SCARF1: variants seen among roughly 807,000 people sequenced by gnomAD.
The protein encoded by SCARF1 is scavenger receptor class F member 1.
In SCARF1, 49 loss-of-function variants were observed where a neutral mutation model predicts 76.3. The ratio of observed to expected loss-of-function variants is 0.64; its 90% CI spans 0.51 to 0.81. The LOEUF is 0.81. SCARF1 is among the 40% of genes least tolerant of loss of function. The pLI, the probability that SCARF1 is intolerant of heterozygous loss-of-function variation, is 0.00. For missense variants in SCARF1, 1,098 were observed against 1,143.9 expected, an observed-to-expected ratio of 0.96 and a Z score of 0.58; for synonymous variants, 495 against 474.6, an observed-to-expected ratio of 1.04 and a Z score of -0.56.
Position 1,644,772 on chromosome 17 carries a change from C to T in SCARF1, c.265+62G>A. On this transcript the variant is annotated intron_variant, in intron 3 of 10. Coordinates refer to ENST00000263071, the MANE Select transcript of SCARF1 (RefSeq NM_003693.4). The surrounding 1 kb of genome is among the most constrained non-coding windows in gnomAD (Gnocchi z 4.8). ...TGCATGGCTACCTGCCTCGCCTGCT[C>T]CCACACCACTGCCCCCGTACCCAGC... is the stretch of plus-strand genomic sequence containing the variant. The T allele has an allele frequency of 6.6e-7, 1 of 1,503,800 alleles. No individual in the cohort carries two copies. The highest frequency in any genetic ancestry group is 9.1e-7 in the Non-Finnish European group (1 of 1,101,988). The allele number at this position is 1,503,800 out of a possible 1,614,324, so 93.2% of individuals were successfully genotyped here.
At position 1,634,894 on chromosome 17, in the gene SCARF1, C is replaced by T. The variant is rs1250492610; in HGVS notation, c.2357G>A (p.Ser786Asn). Reference protein sequence around the residue: ...AVRGLGAGTESSRRAQEPVSG... With the variant: ...AVRGLGAGTENSRRAQEPVSG... ...GACTGGCTCCTGGGCTCTCCTTGAA[C>T]TCTCGGTGCCAGCCCCCAGCCCCCG... The change falls in exon 11 of 11, where the codon AGT becomes AAT. Residue 786 changes from serine to asparagine, a missense_variant. By Grantham distance (46) the Ser-to-Asn change is conservative. Transcript: ENST00000263071. The T allele has an allele frequency of 7.4e-6, 12 of 1,613,688 alleles. No individual in the cohort carries two copies. The highest frequency in any genetic ancestry group is 1.0e-5 in the Non-Finnish European group (12 of 1,180,004).
rs911421631 is a variant in SCARF1, at chr17:1,645,377, G to A, written c.102-138C>T. On this transcript the variant is annotated intron_variant, in intron 1 of 10. Coordinates refer to ENST00000263071, the MANE Select transcript of SCARF1 (RefSeq NM_003693.4). This position sits in a 1 kb window ranked among gnomAD's most constrained non-coding sequence, Gnocchi z 6.3. The stretch of plus-strand genomic sequence containing the variant: ...AGGCCTAATGGATCTTTACAGCTAG[G>A]GTCCCCAGCCCCTCCCCTCTCCTTC... The A allele has an allele frequency of 4.3e-6, 6 of 1,402,960 alleles. No homozygotes were observed. The highest frequency in any genetic ancestry group is 1.4e-5 in the African/African-American group (1 of 69,988). The allele number at this position is 1,402,960 out of a possible 1,614,324, so 86.9% of individuals were successfully genotyped here.
chr17:1,639,278 G>A (rs565596596), intron 7 of SCARF1, among the ~76,000 whole-genome samples: 1 of 152,294 alleles, frequency 6.6e-6, no homozygotes, highest in East Asian at 1.9e-4. Context: ...GGCCGAGGTG[G>A]GCAGATCACC....
chr17:1,634,678 TG>T lies in SCARF1; in HGVS notation c.*79del. ...GGAGGCGCAGAGGCTCTGGTTTGTC[TG>T]TCCTGGCCCCGGGATCATTTTCCAG... On this transcript the variant is annotated 3_prime_UTR_variant, in exon 11 of 11. Transcript: ENST00000263071. The T allele has an allele frequency of 6.7e-7, 1 of 1,486,454 alleles. No homozygotes were observed. Among genetic ancestry groups the T allele is most frequent in the South Asian group, 1.5e-5 (1 of 67,936 alleles). 92.1% of individuals were successfully genotyped at this position (1,486,454 alleles called of 1,614,324 possible). A position where few individuals can be genotyped will look rare whatever the true frequency, so the allele number is the denominator to read the frequency against.
At position 1,640,090 on chromosome 17, in the gene SCARF1, C is replaced by A. The variant is rs1246522382; in HGVS notation, c.1011-50G>T. The A allele has an allele frequency of 2.5e-6, 4 of 1,597,320 alleles. No individual in the cohort carries two copies. The highest frequency in any genetic ancestry group is 3.4e-6 in the Non-Finnish European group (4 of 1,172,238). ...AGGGGAGACCAAGGCAGGCCTGGCC[C>A]CCACTGTGGGGCCCCACCCCTCCGC... On this transcript the variant is annotated intron_variant, in intron 5 of 10. Transcript: ENST00000263071. The surrounding 1 kb of genome is among the most constrained non-coding windows in gnomAD (Gnocchi z 4.7).
Position 1,640,100 on chromosome 17 carries a change from G to A in SCARF1, c.1011-60C>T. On this transcript the variant is annotated intron_variant, in intron 5 of 10. Coordinates refer to ENST00000263071, the MANE Select transcript of SCARF1 (RefSeq NM_003693.4). The surrounding 1 kb of genome is among the most constrained non-coding windows in gnomAD (Gnocchi z 4.7). The stretch of plus-strand genomic sequence containing the variant: ...AAGGCAGGCCTGGCCCCCACTGTGG[G>A]GCCCCACCCCTCCGCCCCACGCTCC... The A allele has an allele frequency of 6.3e-7, 1 of 1,586,098 alleles. No individual in the cohort carries two copies. Among genetic ancestry groups the A allele is most frequent in the Non-Finnish European group, 8.6e-7 (1 of 1,166,530 alleles).
intron 7 of SCARF1, 111 bp downstream of exon 7, chr17:1,639,522 AAAAAAG>A: frequency 1.4e-6 from 1 of 707,884 alleles, no homozygotes; most frequent in Non-Finnish European, 2.3e-6. Flanking sequence ...AAAAAAAAAA[AAAAAAG>A]AATATCTCTG....
Position 1,634,600 on chromosome 17 carries a change from A to G in SCARF1, c.*158T>C, listed in dbSNP as rs2151091711. On this transcript the variant is annotated 3_prime_UTR_variant, in exon 11 of 11. Coordinates refer to ENST00000263071, the MANE Select transcript of SCARF1 (RefSeq NM_003693.4). ...CCAGGCCTTCCTGGGCCCCTCCGGGAGCACTGCCAGGGGCCTGGGCCAACT... is the reference window on the plus strand; with the variant it reads ...CCAGGCCTTCCTGGGCCCCTCCGGGGGCACTGCCAGGGGCCTGGGCCAACT... 3.0e-6 allele frequency: 3 copies of G among 985,216 alleles called. No homozygotes were observed. The highest frequency in any genetic ancestry group is 2.0e-5 in the South Asian group (1 of 48,832). 61.0% of individuals were successfully genotyped at this position (985,216 alleles called of 1,614,324 possible).
In SCARF1 at chr17:1,634,718, C is replaced by G. The variant is rs758613523; in HGVS notation, c.*40G>C. 6.5e-7 allele frequency: 1 copy of G among 1,547,624 alleles called. No individual in the cohort carries two copies. The highest frequency in any genetic ancestry group is 1.9e-5 in the Admixed American group (1 of 51,498). On this transcript the variant is annotated 3_prime_UTR_variant, in exon 11 of 11. Coordinates refer to ENST00000263071, the MANE Select transcript of SCARF1 (RefSeq NM_003693.4). ...ATCATTTTCCAGCACACAGCACAGT[C>G]TAGTCCATCCACTCTCCCCACTCCC...
chr17:1,643,230 C>T (rs1230820907), intron 4 of SCARF1: 4 of 94,186 alleles, frequency 4.2e-5, no homozygotes, highest in Non-Finnish European at 8.6e-5. Context: ...AGTTTCCACC[C>T]CGCCCCCTCC....
chr17:1,643,175 GA>G (rs1380132229), intron 4 of SCARF1: 2 of 21,398 alleles, frequency 9.3e-5, no homozygotes, highest in Non-Finnish European at 1.7e-4. Context: ...CCCCTCCCCC[GA>G]CCGCTCACCT....
rs1423648442 is a variant in SCARF1, at chr17:1,634,689, CG to C, written c.*68del. On this transcript the variant is annotated 3_prime_UTR_variant, in exon 11 of 11. Coordinates refer to ENST00000263071, the MANE Select transcript of SCARF1 (RefSeq NM_003693.4). ...GGCTCTGGTTTGTCTGTCCTGGCCC[CG>C]GGATCATTTTCCAGCACACAGCACA... The C allele has an allele frequency of 1.0e-4, 151 of 1,501,486 alleles. No homozygotes were observed. The highest frequency in any genetic ancestry group is 1.1e-5 in the Non-Finnish European group (12 of 1,123,902). 93.0% of individuals were successfully genotyped at this position (1,501,486 alleles called of 1,614,324 possible). A position where few individuals can be genotyped will look rare whatever the true frequency, so the allele number is the denominator to read the frequency against.
chr17:1,636,652 G>A (rs1306281732), intron 10 of SCARF1, 57 bp downstream of exon 10: 6 of 1,575,370 alleles, frequency 3.8e-6, no homozygotes, highest in Admixed American at 1.8e-5. Context: ...GAGGACTAAA[G>A]AGGGGGTCGT....
chr17:1,638,800 G>A lies in SCARF1; in HGVS notation c.1364+6C>T, dbSNP rs543940806. On this transcript the variant is annotated splice_donor_region_variant and intron_variant, in intron 8 of 10. Coordinates refer to ENST00000263071, the MANE Select transcript of SCARF1 (RefSeq NM_003693.4). Reference sequence around the variant, plus strand: ...CTGTGTGGGGAAGGGACGGGCTGGCGTTCACCTGTCCTTGAGGTCTGATCG... The same window carrying A: ...CTGTGTGGGGAAGGGACGGGCTGGCATTCACCTGTCCTTGAGGTCTGATCG... 77 of 1,601,776 alleles carry A rather than the reference G, an allele frequency of 4.8e-5. 1 individual carries two copies. The South Asian group carries it at 5.7e-4, about 12-fold the overall frequency.
At chr17:1,638,278 C>G (rs556333491) in intron 8 of SCARF1, 1 of 152,496 alleles carries the variant, frequency 6.6e-6, no homozygotes, top group South Asian at 2.1e-4. Context: ...CCTTCCTCCC[C>G]TCTCCGTCTC....
Position 1,640,701 on chromosome 17 carries a change from G to T in SCARF1, c.792-35C>A. The T allele has an allele frequency of 1.3e-6, 2 of 1,583,450 alleles. No homozygotes were observed. The highest frequency in any genetic ancestry group is 1.7e-6 in the Non-Finnish European group (2 of 1,159,514). On this transcript the variant is annotated intron_variant, in intron 4 of 10. Coordinates refer to ENST00000263071, the MANE Select transcript of SCARF1 (RefSeq NM_003693.4). The surrounding 1 kb of genome is among the most constrained non-coding windows in gnomAD (Gnocchi z 4.7). ...GAAGGGCTTCGTGGGAACAGTGGGG[G>T]TGGATGGATGGAGCGCCCACCCCCT...
intron 8 of SCARF1, chr17:1,638,545 C>T (rs1009065825): frequency 9.4e-6 from 3 of 317,666 alleles, no homozygotes; most frequent in Non-Finnish European, 5.7e-6. Flanking sequence ...GCAGCTGACC[C>T]GGTGTCTCCA....
intron 8 of SCARF1, 91 bp from the exon 9 acceptor site, chr17:1,637,153 A>G: frequency 1.4e-6 from 2 of 1,406,830 alleles, no homozygotes; most frequent in Admixed American, 1.9e-5. Context: ...GACTGCCTCT[A>G]CTTCAGTGGC....
In SCARF1 at chr17:1,645,325, GGGGGAGGCTGCCTTAGCCCCCT is replaced by G. The variant is rs1462652754; in HGVS notation, c.102-108_102-87del. The stretch of plus-strand genomic sequence containing the variant: ...GTGGATCACTGTCTCTGGCTGCAGT[GGGGGAGGCTGCCTTAGCCCCCT>G]GGGGAGGCCTAATGGATCTTTACAG... On this transcript the variant is annotated intron_variant, in intron 1 of 10. Coordinates refer to ENST00000263071, the MANE Select transcript of SCARF1 (RefSeq NM_003693.4). This position sits in a 1 kb window ranked among gnomAD's most constrained non-coding sequence, Gnocchi z 6.3. The G allele has an allele frequency of 6.6e-7, 1 of 1,524,584 alleles. No individual in the cohort carries two copies. The allele number at this position is 1,524,584 out of a possible 1,614,324, so 94.4% of individuals were successfully genotyped here.
Sources: gnomAD v4.1 joint callset for allele counts (sites outside exome capture counted in the v4.1 genomes callset) on GRCh38, gnomAD v4.1.1 for gene constraint, Gnocchi (gnomAD v3.1) non-coding constraint, MANE v1.5 for transcripts, NCBI Gene and HGNC (gene_info 2026-07-23, HGNC 2026-07-21) for gene names.